Variants in ENO1 observed in about 807,000 individuals in gnomAD.
ENO1 encodes alpha-enolase.
A neutral mutation model predicts 46.3 loss-of-function variants in ENO1; 33 were observed. The ratio of observed to expected loss-of-function variants is 0.71; its 90% CI spans 0.54 to 0.95. The LOEUF (loss-of-function observed/expected upper bound fraction) is 0.95, where lower values mean the gene tolerates loss of function less well. Ranked by LOEUF, ENO1 falls within the 40% of genes least tolerant of loss-of-function variation. The pLI is 0.00. For missense variants in ENO1, 488 were observed against 553.3 expected, an observed-to-expected ratio of 0.88 and a Z score of 1.18; for synonymous variants, 220 against 216.0, an observed-to-expected ratio of 1.02 and a Z score of -0.16.
In ENO1 at chr1:8,872,387, C is replaced by CT. The variant is rs111671523; in HGVS notation, c.86-402dup. On this transcript the variant is annotated intron_variant, in intron 2 of 11. Transcript: ENST00000234590. ...ACAGGGCATTGAAGACGTTCTGGTA[C>CT]TTTTTTTTTCTTTTGAGACAGAATC... Among the ~76,000 whole-genome samples, 1,066 of 150,588 alleles carry CT rather than the reference C, an allele frequency of 7.1e-3. 7 individuals are homozygous for CT. Among genetic ancestry groups the CT allele is most frequent in the African/African-American group, 0.02 (819 of 40,996 alleles).
intron 9 of ENO1, 149 bp from the exon 10 acceptor site, chr1:8,863,492 G>T: frequency 1.3e-6 from 1 of 776,710 alleles, no homozygotes; most frequent in Non-Finnish European, 2.0e-6. Flanking sequence ...CAAGAGCACA[G>T]AGGAGAACCC....
intron 8 of ENO1, among the ~76,000 whole-genome samples, chr1:8,864,781 C>T (rs1033217259): frequency 6.6e-6 from 1 of 152,218 alleles, no homozygotes; most frequent in Admixed American, 6.5e-5. Context: ...CACACAGACT[C>T]TGGAGTCAGA....
At chr1:8,864,135 G>A (rs1418303564) in intron 8 of ENO1, 43 bp from the exon 9 acceptor site, 5 of 1,601,954 alleles carry the variant, frequency 3.1e-6, no homozygotes, top group Non-Finnish European at 3.4e-6. Context: ...GATCCTCCCA[G>A]TGTGCTCCAC....
At chr1:8,871,867 T>C (rs1642640708) in intron 3 of ENO1, 24 bp downstream of exon 3, 2 of 1,610,548 alleles carry the variant, frequency 1.2e-6, no homozygotes, top group Non-Finnish European at 1.7e-6. Flanking sequence ...AGGGAGGCCA[T>C]GGGCTGTGGG....
intron 6 of ENO1, 84 bp from the exon 7 acceptor site, chr1:8,866,585 A>G: frequency 7.0e-7 from 1 of 1,437,738 alleles, no homozygotes. Context: ...TACCATCCCA[A>G]TCTAGCTCAC....
chr1:8,876,519 A>G (rs1642735177), intron 1 of ENO1, among the ~76,000 whole-genome samples: 1 of 152,184 alleles, frequency 6.6e-6, no homozygotes, highest in Non-Finnish European at 1.5e-5. Context: ...ACTGTGGTAT[A>G]CTTTGAGTAT....
At chr1:8,868,749 G>C (rs922684599) in intron 4 of ENO1, among the ~76,000 whole-genome samples, 2 of 152,122 alleles carry the variant, frequency 1.3e-5, no homozygotes, top group African/African-American at 4.8e-5. Context: ...GCAGTGTCAC[G>C]ATCTCAGCTC....
intron 11 of ENO1, among the ~76,000 whole-genome samples, chr1:8,862,434 G>A (rs1183858041): frequency 6.6e-6 from 1 of 152,188 alleles, no homozygotes; most frequent in Non-Finnish European, 1.5e-5. Flanking sequence ...GACACAGACA[G>A]GAAAGGGAGA....
Position 8,866,321 on chromosome 1 carries a change from C to T in ENO1, c.625G>A (p.Asp209Asn). Residue 209 changes from aspartate (D) to asparagine (N), a missense_variant, in exon 7 of 12, where the codon GAT becomes AAT. Physicochemically the swap from Asp to Asn is conservative, Grantham distance 23. Coordinates refer to ENST00000234590, the MANE Select transcript of ENO1 (RefSeq NM_001428.5). Reference sequence around the variant, plus strand: ...ATGTTGGGAGCAAACCCGCCTTCATCCCCCACATTGGTGGCATCTTTCCCA... The same window carrying T: ...ATGTTGGGAGCAAACCCGCCTTCATTCCCCACATTGGTGGCATCTTTCCCA... The part of the protein sequence containing the change: ...KYGKDATNVG[D>N]EGGFAPNILE... The T allele has an allele frequency of 6.2e-7, 1 of 1,614,118 alleles. No homozygotes were observed. Among genetic ancestry groups the T allele is most frequent in the South Asian group, 1.1e-5 (1 of 91,082 alleles).
Position 8,862,952 on chromosome 1 carries a change from G to A in ENO1, c.1177-7C>T. 6.2e-7 allele frequency: 1 copy of A among 1,614,040 alleles called. No individual in the cohort carries two copies. Among genetic ancestry groups the A allele is most frequent in the Non-Finnish European group, 8.5e-7 (1 of 1,179,890 alleles). On this transcript the variant is annotated splice_polypyrimidine_tract_variant and splice_region_variant and intron_variant, in intron 10 of 11. Transcript: ENST00000234590. ...AAGGGGCACCAGTCTTGATCTAGGA[G>A]AAAAGAAAGGCCATTTGCTTACAGC...
chr1:8,861,099 A>G lies in ENO1; in HGVS notation c.*261T>C. 1 of 468,528 alleles carries G rather than the reference A, an allele frequency of 2.1e-6. No individual in the cohort carries two copies. The highest frequency in any genetic ancestry group is 2.0e-5 in the African/African-American group (1 of 51,264). 29.0% of individuals were successfully genotyped at this position (468,528 alleles called of 1,614,324 possible). On this transcript the variant is annotated 3_prime_UTR_variant, in exon 12 of 12. Transcript: ENST00000234590. ...GATGACACGAGGCTCACATGACTCT[A>G]GACACTTGGTGGAAAGTGAGGCGAG... is the stretch of plus-strand genomic sequence containing the variant.
Position 8,865,362 on chromosome 1 carries a change from G to A in ENO1, c.788C>T (p.Ser263Phe), listed in dbSNP as rs1027854537. The change falls in exon 8 of 12, where the codon TCT (serine) becomes TTT (phenylalanine). Residue 263 changes from serine (S) to phenylalanine (F), a missense_variant. By Grantham distance (155) the Ser-to-Phe change is radical (BLOSUM62 -2). Coordinates refer to ENST00000234590, the MANE Select transcript of ENO1 (RefSeq NM_001428.5). ...RSGKYDLDFK[S>F]PDDPSRYISP... ...GATGTACCTGCTGGGGTCATCGGGA[G>A]ACTTGAAGTCCAGGTCATACTTCCC... 6.2e-7 allele frequency: 1 copy of A among 1,614,104 alleles called. No individual in the cohort carries two copies. The highest frequency in any genetic ancestry group is 1.7e-5 in the Admixed American group (1 of 60,004).
intron 3 of ENO1, chr1:8,871,117 G>C (rs1232139987): frequency 1.7e-6 from 2 of 1,186,818 alleles, no homozygotes; most frequent in Non-Finnish European, 2.1e-6. Context: ...CGGTCAAATG[G>C]TAACATGTTC....
rs1311225225 is a variant in ENO1 at position 8,866,309 on chromosome 1, AC to A, written c.636del (p.Phe213LeufsTer15). The A allele has an allele frequency of 3.7e-6, 6 of 1,613,958 alleles. No homozygotes were observed. Among genetic ancestry groups the A allele is most frequent in the Non-Finnish European group, 5.1e-6 (6 of 1,179,998 alleles). ...KDATNVGDEG[G>X]FAPNILENKE... ...TTATTCTCCAGGATGTTGGGAGCAAACCCGCCTTCATCCCCCACATTGGTGG... is the reference window on the plus strand; with the variant it reads ...TTATTCTCCAGGATGTTGGGAGCAAACCGCCTTCATCCCCCACATTGGTGG... On this transcript the variant is annotated frameshift_variant, in exon 7 of 12. Transcript: ENST00000234590. LOFTEE classifies it high-confidence loss of function.
intron 11 of ENO1, among the ~76,000 whole-genome samples, chr1:8,861,880 TAAA>T (rs749592337): frequency 8.9e-6 from 1 of 112,582 alleles, no homozygotes. Context: ...ATCTTGATGT[TAAA>T]AAAAAAAAAA....
Position 8,865,376 on chromosome 1 carries a change from G to A in ENO1, c.774C>T (p.Asp258=), listed in dbSNP as rs1259750541. The A allele has an allele frequency of 1.8e-5, 29 of 1,614,050 alleles. 1 individual carries two copies. The highest frequency in any genetic ancestry group is 2.3e-5 in the Non-Finnish European group (27 of 1,180,042). Reference sequence around the variant, plus strand: ...GGTCATCGGGAGACTTGAAGTCCAGGTCATACTTCCCAGACCTGAAGAACT... The same window carrying A: ...GGTCATCGGGAGACTTGAAGTCCAGATCATACTTCCCAGACCTGAAGAACT... The part of the protein sequence containing the change: ...ASEFFRSGKY[D]LDFKSPDDPS... The change falls in exon 8 of 12, where the codon GAC becomes GAT. Residue 258 remains aspartate (D), a synonymous_variant. Coordinates refer to ENST00000234590, the MANE Select transcript of ENO1 (RefSeq NM_001428.5).
chr1:8,867,426 C>G (rs1013476900), intron 5 of ENO1, among the ~76,000 whole-genome samples, 176 bp from the exon 6 acceptor site: 1 of 152,204 alleles, frequency 6.6e-6, no homozygotes, highest in African/African-American at 2.4e-5. Flanking sequence ...CTTTTCCCCT[C>G]TAAGACAGAG....
At chr1:8,873,844 C>T (rs1642680897) in intron 2 of ENO1, 1 of 152,266 alleles carries the variant, frequency 6.6e-6, no homozygotes, top group African/African-American at 2.4e-5. Flanking sequence ...CCTGAAGCTC[C>T]TTTGCCAACC....
At chr1:8,872,093 TTCC>T in intron 2 of ENO1, 107 bp from the exon 3 acceptor site, 1 of 883,820 alleles carries the variant, frequency 1.1e-6, no homozygotes, top group South Asian at 1.5e-5. Context: ...GAGCTGTTTC[TTCC>T]TCCTACCAGC....
Sources: gnomAD v4.1 joint callset for allele counts (sites outside exome capture counted in the v4.1 genomes callset) on GRCh38, gnomAD v4.1.1 for gene constraint, MANE v1.5 for transcripts, NCBI Gene and HGNC (gene_info 2026-07-23, HGNC 2026-07-21) for gene names.